Variants in CDH13 observed in about 807,000 individuals in gnomAD.
The protein encoded by CDH13 is cadherin-13.
A neutral mutation model predicts 63.8 loss-of-function variants in CDH13; 24 were observed. The ratio of observed to expected loss-of-function variants is 0.38; its 90% CI spans 0.27 to 0.53. CDH13 has a LOEUF of 0.53. Among genes scored for constraint, CDH13 ranks in the 20% least tolerant of loss-of-function variants. CDH13 has a pLI of 0.85. For synonymous variants in CDH13, 503 were observed against 355.3 expected, an observed-to-expected ratio of 1.42 and a Z score of -4.67; for missense variants, 1,049 against 903.1, an observed-to-expected ratio of 1.16 and a Z score of -2.07.
chr16:83,697,307 G>A (rs1424804829), intron 10 of CDH13, among the ~76,000 whole-genome samples: 1 of 152,142 alleles, frequency 6.6e-6, no homozygotes, highest in African/African-American at 2.4e-5. Context: ...ACAAATAAGT[G>A]CCCTTTTTGT....
At position 83,033,398 on chromosome 16, in the gene CDH13, G is replaced by A. The variant is rs536580234; in HGVS notation, c.366+1180G>A. Among the ~76,000 whole-genome samples the A allele has an allele frequency of 9.2e-5, 14 of 152,192 alleles. No individual in the cohort carries two copies. In the South Asian group the frequency reaches 2.1e-3, roughly 23 times the overall value. On this transcript the variant is annotated intron_variant, in intron 3 of 13. Coordinates refer to ENST00000567109, the MANE Select transcript of CDH13 (RefSeq NM_001257.5). Reference sequence around the variant, plus strand: ...GAGATAAGCTGCCCAACCTACTCATGGTCCTTCTGTTGTTTTGTTTTGTTT... The same window carrying A: ...GAGATAAGCTGCCCAACCTACTCATAGTCCTTCTGTTGTTTTGTTTTGTTT...
chr16:83,183,729 C>A (rs923996387), intron 4 of CDH13, among the ~76,000 whole-genome samples: 3 of 152,160 alleles, frequency 2.0e-5, no homozygotes, highest in Admixed American at 1.3e-4. Flanking sequence ...ATATGGAAGT[C>A]TTGGAAAAGC....
chr16:83,376,698 C>A (rs749678062), intron 6 of CDH13, among the ~76,000 whole-genome samples: 2 of 152,010 alleles, frequency 1.3e-5, no homozygotes, highest in Non-Finnish European at 2.9e-5. Flanking sequence ...TTAGGAGGTA[C>A]AAAAGATGGA....
intron 5 of CDH13, among the ~76,000 whole-genome samples, chr16:83,320,270 T>A (rs2090193294): frequency 6.6e-6 from 1 of 152,072 alleles, no homozygotes; most frequent in African/African-American, 2.4e-5. Flanking sequence ...AGTCTCAAAC[T>A]GCTGGACTCA....
At chr16:82,786,820 C>A (rs1376349816) in intron 1 of CDH13, among the ~76,000 whole-genome samples, 1 of 152,068 alleles carries the variant, frequency 6.6e-6, no homozygotes, top group Non-Finnish European at 1.5e-5. Context: ...CATGTCCCTA[C>A]AAAGGTCATG....
chr16:83,136,053 C>A (rs2036268106), intron 4 of CDH13, among the ~76,000 whole-genome samples: 1 of 151,862 alleles, frequency 6.6e-6, no homozygotes, highest in Non-Finnish European at 1.5e-5. Flanking sequence ...GGATAAAAGA[C>A]TGTAAACAGG....
intron 7 of CDH13, among the ~76,000 whole-genome samples, chr16:83,496,050 G>A (rs1431063348): frequency 2.0e-5 from 3 of 151,306 alleles, no homozygotes; most frequent in Non-Finnish European, 4.4e-5. Context: ...CTCATGGGTA[G>A]GAAGAATCAA....
chr16:83,035,925 T>G (rs541755679), intron 3 of CDH13, among the ~76,000 whole-genome samples: 1 of 152,294 alleles, frequency 6.6e-6, no homozygotes, highest in South Asian at 2.1e-4. Context: ...TACGTAATAC[T>G]TACTATGTGC....
chr16:82,984,447 A>G (rs60675007), intron 2 of CDH13, among the ~76,000 whole-genome samples: 22,539 of 152,220 alleles, frequency 0.15, 2,100 homozygotes, highest in Non-Finnish European at 0.21. Flanking sequence ...CTTGAATAAG[A>G]TATTCAACTT....
intron 8 of CDH13, among the ~76,000 whole-genome samples, chr16:83,636,534 G>C (rs567124634): frequency 7.5e-4 from 114 of 152,154 alleles, no homozygotes; most frequent in Non-Finnish European, 1.4e-3. Context: ...AGAACCTGCA[G>C]TGTTTAGTTT....
At chr16:82,807,282 C>T (rs1400615191) in intron 1 of CDH13, among the ~76,000 whole-genome samples, 1 of 151,628 alleles carries the variant, frequency 6.6e-6, no homozygotes, top group Non-Finnish European at 1.5e-5. Context: ...TATTTTTTGT[C>T]CAAAAGACAA....
At chr16:83,251,833 C>T (rs78122032) in intron 5 of CDH13, among the ~76,000 whole-genome samples, 6,306 of 152,108 alleles carry the variant, frequency 0.041, 172 homozygotes, top group Middle Eastern at 0.068. Context: ...GCAGAGGTAG[C>T]AGGGCTGGGT....
intron 1 of CDH13, among the ~76,000 whole-genome samples, chr16:82,637,428 CTTTTTT>C (rs573088098): frequency 6.1e-5 from 5 of 81,654 alleles, no homozygotes; most frequent in Non-Finnish European, 1.1e-4. Context: ...GTTACTGTGC[CTTTTTT>C]TTTTTTTTTT....
At chr16:83,636,277 A>C (rs530533938) in intron 8 of CDH13, among the ~76,000 whole-genome samples, 2 of 152,138 alleles carry the variant, frequency 1.3e-5, no homozygotes, top group Non-Finnish European at 2.9e-5. Context: ...CTTCTTTTTC[A>C]AAAGTATTTC....
intron 11 of CDH13, among the ~76,000 whole-genome samples, chr16:83,755,940 A>T (rs1373487167): frequency 6.6e-6 from 1 of 152,224 alleles, no homozygotes; most frequent in Non-Finnish European, 1.5e-5. Context: ...AGGAGTTAAA[A>T]ATATTTATAG....
intron 5 of CDH13, among the ~76,000 whole-genome samples, chr16:83,317,796 T>C (rs2090138085): frequency 6.7e-6 from 1 of 149,974 alleles, no homozygotes; most frequent in Non-Finnish European, 1.5e-5. Context: ...CGAGACTCTG[T>C]CTCAAGAAAA....
At chr16:83,403,815 C>T (rs1243604714) in intron 6 of CDH13, among the ~76,000 whole-genome samples, 1 of 151,804 alleles carries the variant, frequency 6.6e-6, no homozygotes, top group Admixed American at 6.6e-5. Context: ...TACCTAGATA[C>T]AAAAAGTTCA....
At chr16:83,155,955 T>C (rs1463255997) in intron 4 of CDH13, among the ~76,000 whole-genome samples, 2 of 152,190 alleles carry the variant, frequency 1.3e-5, no homozygotes, top group Non-Finnish European at 2.9e-5. Flanking sequence ...GGGGAGGACC[T>C]GGTCATCAGC....
intron 6 of CDH13, among the ~76,000 whole-genome samples, chr16:83,381,367 C>G (rs1011900232): frequency 2.1e-4 from 32 of 152,174 alleles, no homozygotes; most frequent in African/African-American, 6.0e-4. Flanking sequence ...CTTCTCCTGC[C>G]TGTGCATTAA....
Sources: allele counts gnomAD v4.1 joint callset (sites outside exome capture counted in the v4.1 genomes callset), GRCh38; gene constraint gnomAD v4.1.1; transcripts MANE v1.5; gene names NCBI Gene and HGNC (gene_info 2026-07-23, HGNC 2026-07-21).